TMEM161B: variants seen among roughly 807,000 people sequenced by gnomAD.
TMEM161B encodes transmembrane protein 161B.
In TMEM161B, 34 loss-of-function variants were observed where a neutral mutation model predicts 61.8. That is an observed-to-expected ratio of 0.55 (90% CI 0.42 to 0.73). TMEM161B has a LOEUF of 0.73. Among genes scored for constraint, TMEM161B ranks in the 30% least tolerant of loss-of-function variants. The pLI, the probability that TMEM161B is intolerant of heterozygous loss-of-function variation, is 0.00. For missense variants in TMEM161B, 456 were observed against 558.5 expected, an observed-to-expected ratio of 0.82 and a Z score of 1.85; for synonymous variants, 167 against 192.8, an observed-to-expected ratio of 0.87 and a Z score of 1.11.
intron 5 of TMEM161B, among the ~76,000 whole-genome samples, chr5:88,215,523 T>C (rs1324038337): frequency 6.6e-6 from 1 of 151,982 alleles, no homozygotes; most frequent in Non-Finnish European, 1.5e-5. Context: ...TACTCAAGCA[T>C]ACACACAATT....
At chr5:88,257,102 C>T (rs1755081418) in intron 1 of TMEM161B, among the ~76,000 whole-genome samples, 2 of 152,090 alleles carry the variant, frequency 1.3e-5, no homozygotes, top group Admixed American at 6.6e-5. Context: ...AACCTCCTCA[C>T]TAGTAAAAAT....
chr5:88,253,645 G>A (rs1046176219), intron 1 of TMEM161B, among the ~76,000 whole-genome samples: 1 of 152,100 alleles, frequency 6.6e-6, no homozygotes, highest in African/African-American at 2.4e-5. Flanking sequence ...ATAAAGCCTG[G>A]AAGTAACCAA....
intron 1 of TMEM161B, among the ~76,000 whole-genome samples, chr5:88,254,658 G>A (rs569738347): frequency 8.5e-5 from 13 of 152,102 alleles, no homozygotes; most frequent in South Asian, 8.3e-4. Flanking sequence ...GCAACATAGC[G>A]AGACACCCTT....
At chr5:88,192,212 A>G (rs1344085898), downstream of TMEM161B, among the ~76,000 whole-genome samples, 1 of 151,620 alleles carries the variant, frequency 6.6e-6, no homozygotes, top group Non-Finnish European at 1.5e-5. Flanking sequence ...CAGTAACCAC[A>G]TGCAGGGAGT....
At chr5:88,197,798 C>T in intron 10 of TMEM161B, 33 bp from the exon 11 acceptor site, 1 of 1,565,936 alleles carries the variant, frequency 6.4e-7, no homozygotes, top group Non-Finnish European at 8.8e-7. Flanking sequence ...GTGTCTAATG[C>T]AACTGACATG....
In TMEM161B at chr5:88,195,099, T is replaced by C. The variant is rs971412778; in HGVS notation, c.*1112A>G. The C allele has an allele frequency of 5.1e-6, 5 of 972,598 alleles. No homozygotes were observed. Among genetic ancestry groups the C allele is most frequent in the South Asian group, 4.8e-5 (1 of 21,008 alleles). 60.2% of individuals were successfully genotyped at this position (972,598 alleles called of 1,614,324 possible). On this transcript the variant is annotated 3_prime_UTR_variant, in exon 12 of 12. Transcript: ENST00000296595. ...GATTTGAGAGGGAAAGATTCTGATT[T>C]TTGGAAATGACAGAAAAAGAATTTT...
downstream of TMEM161B, chr5:88,190,135 G>A (rs1048135662): frequency 1.4e-6 from 1 of 700,958 alleles, no homozygotes; most frequent in Non-Finnish European, 2.6e-6. Context: ...GTACACACAA[G>A]AACTAGTAAA....
chr5:88,261,882 T>C (rs1755737837), intron 1 of TMEM161B, among the ~76,000 whole-genome samples: 1 of 152,140 alleles, frequency 6.6e-6, no homozygotes, highest in Non-Finnish European at 1.5e-5. Context: ...AACAACTTTT[T>C]AGACACAAAA....
chr5:88,266,870 C>G (rs1476897137), intron 1 of TMEM161B, among the ~76,000 whole-genome samples: 1 of 152,116 alleles, frequency 6.6e-6, no homozygotes, highest in African/African-American at 2.4e-5. Context: ...ATAAGCACTT[C>G]CAGAAGGAAA....
intron 5 of TMEM161B, among the ~76,000 whole-genome samples, chr5:88,209,284 A>T (rs190078398): frequency 3.9e-5 from 6 of 152,322 alleles, no homozygotes; most frequent in Admixed American, 3.3e-4. Context: ...ATGATCTCTC[A>T]TAGCCTAAAT....
chr5:88,250,173 G>C (rs1412241491), intron 1 of TMEM161B, among the ~76,000 whole-genome samples: 1 of 151,902 alleles, frequency 6.6e-6, no homozygotes, highest in Admixed American at 6.6e-5. Flanking sequence ...AGTTTGCACA[G>C]AGAGAGAGAA....
chr5:88,262,037 T>C (rs762930520), intron 1 of TMEM161B, among the ~76,000 whole-genome samples: 7 of 152,234 alleles, frequency 4.6e-5, no homozygotes, highest in Non-Finnish European at 7.4e-5. Context: ...CTGATAAGGA[T>C]TGTTATACAA....
chr5:88,247,651 T>C (rs1175101053), intron 1 of TMEM161B, among the ~76,000 whole-genome samples: 1 of 152,084 alleles, frequency 6.6e-6, no homozygotes, highest in Non-Finnish European at 1.5e-5. Flanking sequence ...AGATGTAAAC[T>C]GCCATTTCAA....
chr5:88,216,983 GC>G (rs2112496527), intron 5 of TMEM161B, among the ~76,000 whole-genome samples: 1 of 152,320 alleles, frequency 6.6e-6, no homozygotes, highest in East Asian at 1.9e-4. Context: ...TAAGAAGAAA[GC>G]CAATTCATTC....
intron 1 of TMEM161B, among the ~76,000 whole-genome samples, chr5:88,241,942 A>G (rs535847965): frequency 6.6e-6 from 1 of 151,860 alleles, no homozygotes; most frequent in African/African-American, 2.4e-5. Flanking sequence ...GAAATAATAG[A>G]GCATCTTCTA....
At chr5:88,244,932 G>C (rs1753366535) in intron 1 of TMEM161B, among the ~76,000 whole-genome samples, 1 of 151,738 alleles carries the variant, frequency 6.6e-6, no homozygotes, top group African/African-American at 2.4e-5. Flanking sequence ...TTCGTGACCT[G>C]GCTCTCAACT....
intron 2 of TMEM161B, among the ~76,000 whole-genome samples, chr5:88,234,568 C>G (rs1397132725): frequency 6.6e-6 from 1 of 152,082 alleles, no homozygotes; most frequent in Non-Finnish European, 1.5e-5. Flanking sequence ...CCAGTCTTTT[C>G]CTTTGGTATT....
rs997052382 is a variant in TMEM161B at position 88,226,389 on chromosome 5, C to T, written c.192-523G>A. 3.3e-5 allele frequency among the ~76,000 whole-genome samples: 5 copies of T among 152,118 alleles called. No individual in the cohort carries two copies. The East Asian group carries it at 5.8e-4, about 18-fold the overall frequency. On this transcript the variant is annotated intron_variant, in intron 3 of 11. Coordinates refer to ENST00000296595, the MANE Select transcript of TMEM161B (RefSeq NM_153354.5). ...ACAGATGAAGGAAAACAAATTCTTC[C>T]GGTGTATCTGTATGATTCCCAAATT...
At chr5:88,199,849 T>C (rs1744037629) in intron 9 of TMEM161B, 1 of 152,092 alleles carries the variant, frequency 6.6e-6, no homozygotes. Context: ...TTTTGGTGTT[T>C]AATGTTTTTA....
Sources: gnomAD v4.1 joint callset for allele counts (sites outside exome capture counted in the v4.1 genomes callset) on GRCh38, gnomAD v4.1.1 for gene constraint, MANE v1.5 for transcripts, NCBI Gene and HGNC (gene_info 2026-07-23, HGNC 2026-07-21) for gene names.